Variants in WWOX observed in about 807,000 individuals in gnomAD.
WWOX encodes WW domain-containing oxidoreductase.
In WWOX, 69 loss-of-function variants were observed where a neutral mutation model predicts 46.2. The ratio of observed to expected loss-of-function variants is 1.49; its 90% CI spans 1.23 to 1.82. The LOEUF is 1.82. Among genes scored for constraint, WWOX ranks in the 40% most tolerant of loss-of-function variants. The probability of loss-of-function intolerance (pLI) is 0.00; values close to 1 mark genes in which losing one functional copy is unlikely to be tolerated. For synonymous variants in WWOX, 359 were observed against 202.6 expected (o/e 1.77, Z -6.56); for missense variants, 919 against 542.6 (o/e 1.69, Z -6.89).
At chr16:78,568,528 T>G (rs1597281192) in intron 8 of WWOX, among the ~76,000 whole-genome samples, 1 of 147,564 alleles carries the variant, frequency 6.8e-6, no homozygotes, top group South Asian at 2.2e-4. Flanking sequence ...CAGGCTGGAG[T>G]GCAGTGGCCC....
chr16:78,914,385 C>T (rs1246614738), intron 8 of WWOX, among the ~76,000 whole-genome samples: 1 of 152,030 alleles, frequency 6.6e-6, no homozygotes, highest in Non-Finnish European at 1.5e-5. Context: ...GAAATATTTG[C>T]AGGTGAGTGA....
chr16:78,701,408 C>G (rs1489558767), intron 8 of WWOX, among the ~76,000 whole-genome samples: 1 of 152,006 alleles, frequency 6.6e-6, no homozygotes, highest in African/African-American at 2.4e-5. Flanking sequence ...TCTGAAGTCA[C>G]CCCCTCCATC....
In WWOX at chr16:78,527,991, C is replaced by T. The variant is rs1347757501; in HGVS notation, c.1056+95239C>T. On this transcript the variant is annotated intron_variant, in intron 8 of 8. Coordinates refer to ENST00000566780, the MANE Select transcript of WWOX (RefSeq NM_016373.4). ...CTATGTCACAGGACTGGTACATGTC[C>T]TTTTTTTTTTTTTTTTTTTTTTTTT... Among the ~76,000 whole-genome samples the T allele has an allele frequency of 1.7e-4, 6 of 34,882 alleles. No individual in the cohort carries two copies. In the East Asian group the frequency reaches 2.9e-3, roughly 17 times the overall value. 22.9% of individuals were successfully genotyped at this position (34,882 alleles called of 152,430 possible).
chr16:78,239,324 G>A lies in WWOX; in HGVS notation c.516+75035G>A, dbSNP rs536420298. Reference sequence around the variant, plus strand: ...TGCTGTTCCCTTCCTCCTGGGAAGGGCAAAGAAAGCAGGGTGGTCCTCCCA... The same window carrying A: ...TGCTGTTCCCTTCCTCCTGGGAAGGACAAAGAAAGCAGGGTGGTCCTCCCA... On this transcript the variant is annotated intron_variant, in intron 5 of 8. Transcript: ENST00000566780. Among the ~76,000 whole-genome samples, 16 of 152,282 alleles carry A rather than the reference G, an allele frequency of 1.1e-4. No homozygotes were observed. The South Asian group carries it at 3.3e-3, about 32-fold the overall frequency.
At chr16:78,744,943 T>C (rs867680406) in intron 8 of WWOX, among the ~76,000 whole-genome samples, 2 of 152,324 alleles carry the variant, frequency 1.3e-5, no homozygotes, top group African/African-American at 4.8e-5. Flanking sequence ...TTAATTTCCC[T>C]ACCTGATTCA....
Position 79,051,773 on chromosome 16 carries a change from C to A in WWOX, c.1057-159835C>A, listed in dbSNP as rs529884847. Among the ~76,000 whole-genome samples the A allele has an allele frequency of 3.3e-5, 5 of 152,324 alleles. No individual in the cohort carries two copies. In the South Asian group the frequency reaches 1.0e-3, roughly 32 times the overall value. On this transcript the variant is annotated intron_variant, in intron 8 of 8. Coordinates refer to ENST00000566780, the MANE Select transcript of WWOX (RefSeq NM_016373.4). ...AATAAATAGTAACTTCTCTTAGAAGCAAAGTTAATTCAAAGACCTGTGCTA... is the reference window on the plus strand; with the variant it reads ...AATAAATAGTAACTTCTCTTAGAAGAAAAGTTAATTCAAAGACCTGTGCTA...
chr16:78,507,783 G>T (rs926741321), intron 8 of WWOX, among the ~76,000 whole-genome samples: 1 of 152,112 alleles, frequency 6.6e-6, no homozygotes. Flanking sequence ...GCCATTCTCA[G>T]CATCCTGCCT....
At chr16:78,717,841 T>A (rs968182235) in intron 8 of WWOX, among the ~76,000 whole-genome samples, 1 of 152,162 alleles carries the variant, frequency 6.6e-6, no homozygotes, top group Non-Finnish European at 1.5e-5. Context: ...TATTTCCCTC[T>A]CTGTCTTTCC....
At chr16:78,695,478 A>G in intron 8 of WWOX, among the ~76,000 whole-genome samples, 1 of 152,246 alleles carries the variant, frequency 6.6e-6, no homozygotes, top group African/African-American at 2.4e-5. Flanking sequence ...GTCTTTCATG[A>G]TAGAAGTAGG....
chr16:79,128,282 C>T (rs956127726), intron 8 of WWOX, among the ~76,000 whole-genome samples: 4 of 151,696 alleles, frequency 2.6e-5, no homozygotes, highest in Non-Finnish European at 4.4e-5. Flanking sequence ...TTCCAATCCA[C>T]GTGTGTTCAG....
intron 8 of WWOX, among the ~76,000 whole-genome samples, chr16:78,458,790 C>T (rs1039271972): frequency 1.3e-4 from 20 of 151,844 alleles, no homozygotes; most frequent in Non-Finnish European, 1.6e-4. Context: ...TAATAGGTGG[C>T]GCCACTTTTT....
At chr16:79,069,459 C>T (rs1295715244) in intron 8 of WWOX, among the ~76,000 whole-genome samples, 1 of 152,000 alleles carries the variant, frequency 6.6e-6, no homozygotes, top group Non-Finnish European at 1.5e-5. Context: ...TCACACGTTA[C>T]TGTAGTCATT....
At chr16:78,301,448 C>A (rs938253792) in intron 5 of WWOX, among the ~76,000 whole-genome samples, 7 of 151,970 alleles carry the variant, frequency 4.6e-5, no homozygotes, top group Non-Finnish European at 1.0e-4. Flanking sequence ...ATTGAGGAAA[C>A]TTATTGTTTT....
intron 8 of WWOX, among the ~76,000 whole-genome samples, chr16:79,143,334 A>G (rs1399649270): frequency 6.6e-6 from 1 of 152,250 alleles, no homozygotes; most frequent in Admixed American, 6.5e-5. Flanking sequence ...AAATGTATTT[A>G]AATTATTTGT....
At chr16:78,569,416 T>A (rs557430527) in intron 8 of WWOX, among the ~76,000 whole-genome samples, 1 of 152,338 alleles carries the variant, frequency 6.6e-6, no homozygotes, top group East Asian at 1.9e-4. Flanking sequence ...TTTCAGTTGG[T>A]CAAGTCATTT....
At position 78,511,298 on chromosome 16, in the gene WWOX, A is replaced by T. The variant is rs1328957265; in HGVS notation, c.1056+78546A>T. Among the ~76,000 whole-genome samples the T allele has an allele frequency of 3.3e-5, 5 of 152,310 alleles. No individual in the cohort carries two copies. In the East Asian group the frequency reaches 9.6e-4, roughly 29 times the overall value. On this transcript the variant is annotated intron_variant, in intron 8 of 8. Transcript: ENST00000566780. ...TCCCTTCCGTCAAGCCTTTTAGCGGAGTTCACAGGGATGCCTTCGGTCCAG... is the reference window on the plus strand; with the variant it reads ...TCCCTTCCGTCAAGCCTTTTAGCGGTGTTCACAGGGATGCCTTCGGTCCAG...
At chr16:78,114,771 A>G (rs544413507) in intron 3 of WWOX, among the ~76,000 whole-genome samples, 3 of 152,266 alleles carry the variant, frequency 2.0e-5, no homozygotes, top group African/African-American at 7.2e-5. Context: ...TCTGAAGGAA[A>G]GGATTCGATG....
chr16:78,425,452 T>C (rs906470629), intron 7 of WWOX, among the ~76,000 whole-genome samples: 3 of 152,198 alleles, frequency 2.0e-5, no homozygotes, highest in African/African-American at 7.2e-5. Flanking sequence ...TGAAATCAAA[T>C]TGTTTTATAA....
At chr16:79,197,792 G>A (rs1000557968) in intron 8 of WWOX, among the ~76,000 whole-genome samples, 5 of 152,086 alleles carry the variant, frequency 3.3e-5, no homozygotes, top group African/African-American at 1.2e-4. Flanking sequence ...CCACCATGAC[G>A]ATGGGAGGCA....
Sources: allele counts gnomAD v4.1 joint callset (sites outside exome capture counted in the v4.1 genomes callset), GRCh38; gene constraint gnomAD v4.1.1; transcripts MANE v1.5; gene names NCBI Gene and HGNC (gene_info 2026-07-23, HGNC 2026-07-21).